Variants in RIN2 observed in about 807,000 individuals in gnomAD.
RIN2 encodes the protein RAB5 interacting protein 2.
A neutral mutation model predicts 78.0 loss-of-function variants in RIN2; 36 were observed. The observed-to-expected ratio is 0.46, with a 90% CI of 0.35 to 0.61. The LOEUF (loss-of-function observed/expected upper bound fraction) is 0.61. Among genes scored for constraint, RIN2 ranks in the 20% least tolerant of loss-of-function variants. The pLI is 0.00. For missense variants in RIN2, 1,087 were observed against 1,159.7 expected, an observed-to-expected ratio of 0.94 and a Z score of 0.91; for synonymous variants, 466 against 466.8, an observed-to-expected ratio of 1.00 and a Z score of 0.02.
chr20:19,828,041 T>C (rs962568511), intron 2 of RIN2, among the ~76,000 whole-genome samples: 2 of 152,094 alleles, frequency 1.3e-5, no homozygotes, highest in African/African-American at 4.8e-5. Flanking sequence ...ATTGCAAAGG[T>C]GCAGACTCAC....
intron 4 of RIN2, among the ~76,000 whole-genome samples, chr20:19,946,567 TA>T (rs1294067815): frequency 6.8e-6 from 1 of 147,642 alleles, no homozygotes; most frequent in Non-Finnish European, 1.5e-5. Flanking sequence ...AAAATGCACA[TA>T]TTAGTCTGGC....
chr20:19,941,800 C>T (rs531986263), intron 4 of RIN2, among the ~76,000 whole-genome samples: 145 of 152,216 alleles, frequency 9.5e-4, no homozygotes, highest in African/African-American at 3.1e-3. Flanking sequence ...ACCAATGTAG[C>T]AACAACTAAA....
chr20:19,911,160 C>T (rs893664053), intron 3 of RIN2, among the ~76,000 whole-genome samples: 5 of 152,108 alleles, frequency 3.3e-5, no homozygotes, highest in African/African-American at 1.2e-4. Flanking sequence ...AAGCAATTCT[C>T]CTGCCTCAGC....
chr20:19,844,298 A>C (rs1197680848), intron 2 of RIN2, among the ~76,000 whole-genome samples: 6 of 152,234 alleles, frequency 3.9e-5, no homozygotes, highest in Admixed American at 1.3e-4. Context: ...ACTAAGATAT[A>C]AGCTAAAGGC....
intron 5 of RIN2, among the ~76,000 whole-genome samples, chr20:19,957,071 G>A (rs6035490): frequency 1.7e-4 from 26 of 152,280 alleles, no homozygotes; most frequent in African/African-American, 6.3e-4. Context: ...TAGCGAGTAG[G>A]GGCCACTGGC....
At chr20:19,995,251 G>GT (rs141557975) in intron 11 of RIN2, among the ~76,000 whole-genome samples, 1,179 of 109,260 alleles carry the variant, frequency 0.011, 13 homozygotes, top group African/African-American at 0.033. Flanking sequence ...GCCAGTGTCT[G>GT]TTTTTTTTTT....
intron 2 of RIN2, among the ~76,000 whole-genome samples, chr20:19,803,661 A>AT (rs568753427): frequency 1.5e-3 from 221 of 152,298 alleles, no homozygotes; most frequent in African/African-American, 4.5e-3. Context: ...TTTGCTCCAG[A>AT]TTGTCTTACC....
At chr20:19,775,218 G>T (rs562314731) in intron 1 of RIN2, among the ~76,000 whole-genome samples, 7 of 152,340 alleles carry the variant, frequency 4.6e-5, no homozygotes, top group Non-Finnish European at 7.3e-5. Flanking sequence ...TCTAAGAAAA[G>T]GATATGGAGA....
chr20:19,810,244 C>CAAAA (rs58768278), intron 2 of RIN2, among the ~76,000 whole-genome samples: 3 of 80,618 alleles, frequency 3.7e-5, no homozygotes, highest in Non-Finnish European at 6.2e-5. Flanking sequence ...ATTAATAATA[C>CAAAA]AAAAAAAAAA....
At chr20:19,892,349 G>T (rs2038512990) in intron 3 of RIN2, among the ~76,000 whole-genome samples, 1 of 152,058 alleles carries the variant, frequency 6.6e-6, no homozygotes, top group African/African-American at 2.4e-5. Flanking sequence ...CCGAGCAGCT[G>T]GGATTACAGG....
rs190963883 is a variant in RIN2 at position 19,932,358 on chromosome 20, T to C, written c.58-2741T>C. 4.6e-3 allele frequency among the ~76,000 whole-genome samples: 696 copies of C among 152,322 alleles called. 3 individuals are homozygous for C. Among genetic ancestry groups the C allele is most frequent in the Middle Eastern group, 6.8e-3 (2 of 294 alleles). On this transcript the variant is annotated intron_variant, in intron 3 of 12. Coordinates refer to ENST00000255006, the MANE Select transcript of RIN2 (RefSeq NM_018993.4). Reference sequence around the variant, plus strand: ...CCATGAGCCAAATAAACTTCTGTTCTTAATAAATTAGCCAGTCTGTAGTAT... The same window carrying C: ...CCATGAGCCAAATAAACTTCTGTTCCTAATAAATTAGCCAGTCTGTAGTAT...
intron 6 of RIN2, 83 bp downstream of exon 6, chr20:19,960,894 A>C: frequency 1.2e-6 from 1 of 819,084 alleles, no homozygotes; most frequent in Non-Finnish European, 2.0e-6. Flanking sequence ...AGCTCTGGTT[A>C]TGAGATGGGC....
In RIN2 at chr20:19,898,501, C is replaced by A. The variant is rs561139969; in HGVS notation, c.57+8843C>A. On this transcript the variant is annotated intron_variant, in intron 3 of 12. Transcript: ENST00000255006. ...TTATCTCACCCATTTATGAGGAAAC[C>A]AGTAAATAGTAAAACTGGTTCAAAA... Among the ~76,000 whole-genome samples, 3 of 152,294 alleles carry A rather than the reference C, an allele frequency of 2.0e-5. No individual in the cohort carries two copies. The East Asian group carries it at 5.8e-4, about 29-fold the overall frequency.
Position 19,823,880 on chromosome 20 carries a change from C to T in RIN2, c.-37+24133C>T, listed in dbSNP as rs901626193. 1.9e-4 allele frequency: 304 copies of T among 1,603,550 alleles called. 1 individual carries two copies. The highest frequency in any genetic ancestry group is 2.5e-4 in the Non-Finnish European group (290 of 1,175,564). ...GGGGCCAGGGCAGAAGTGGCACCGA[C>T]TTCACCTCCGGTGCACCTCAGGTAT... On this transcript the variant is annotated intron_variant, in intron 2 of 12. Transcript: ENST00000255006.
chr20:19,930,342 C>T (rs2040393347), intron 3 of RIN2, among the ~76,000 whole-genome samples: 1 of 152,210 alleles, frequency 6.6e-6, no homozygotes, highest in Non-Finnish European at 1.5e-5. Context: ...ACACCGTCAG[C>T]TTCTTGTGTG....
At chr20:19,906,822 G>A (rs1030896635) in intron 3 of RIN2, among the ~76,000 whole-genome samples, 1 of 152,180 alleles carries the variant, frequency 6.6e-6, no homozygotes, top group Non-Finnish European at 1.5e-5. Flanking sequence ...AGCAAACTGG[G>A]CAGAGCATGG....
Position 19,811,725 on chromosome 20 carries a change from G to A in RIN2, c.-37+11978G>A, listed in dbSNP as rs191164978. 2.8e-4 allele frequency among the ~76,000 whole-genome samples: 42 copies of A among 152,010 alleles called. No homozygotes were observed. The East Asian group carries it at 6.8e-3, about 25-fold the overall frequency. On this transcript the variant is annotated intron_variant, in intron 2 of 12. Transcript: ENST00000255006. ...TTAAATTTGGACACAATCATACAGC[G>A]AACCATTATAACCACTAAAAAATGA...
At chr20:19,968,164 A>G (rs542152155) in intron 7 of RIN2, among the ~76,000 whole-genome samples, 24 of 152,178 alleles carry the variant, frequency 1.6e-4, no homozygotes, top group African/African-American at 5.1e-4. Context: ...CTCCTGATCC[A>G]CAGAATGGGG....
intron 2 of RIN2, among the ~76,000 whole-genome samples, chr20:19,810,997 C>T (rs1392562038): frequency 6.6e-6 from 1 of 151,500 alleles, no homozygotes; most frequent in African/African-American, 2.4e-5. Context: ...AGGCGTGAAC[C>T]ACCGTGCCCG....
Sources: gnomAD v4.1 joint callset for allele counts (sites outside exome capture counted in the v4.1 genomes callset) on GRCh38, gnomAD v4.1.1 for gene constraint, MANE v1.5 for transcripts, NCBI Gene and HGNC (gene_info 2026-07-23, HGNC 2026-07-21) for gene names.